Variants in DENND6A observed in about 807,000 individuals in gnomAD.
The protein encoded by DENND6A is protein DENND6A.
A neutral mutation model predicts 95.5 loss-of-function variants in DENND6A; 43 were observed. That is an observed-to-expected ratio of 0.45 (90% CI 0.35 to 0.58). The LOEUF (loss-of-function observed/expected upper bound fraction) is 0.58, where lower values mean the gene tolerates loss of function less well. Ranked by LOEUF, DENND6A falls within the 20% of genes least tolerant of loss-of-function variation. The pLI, the probability that DENND6A is intolerant of heterozygous loss-of-function variation, is 0.00. For synonymous variants in DENND6A, 257 were observed against 260.4 expected (o/e 0.99, Z 0.13); for missense variants, 574 against 736.0 (o/e 0.78, Z 2.55).
At chr3:57,692,702 C>T (rs2077280744) in intron 1 of DENND6A, 80 bp downstream of exon 1, 4 of 1,297,348 alleles carry the variant, frequency 3.1e-6, no homozygotes, top group Non-Finnish European at 4.0e-6. Context: ...CCTGGCCGGT[C>T]AGCCCGCGGG....
intron 11 of DENND6A, 130 bp from the exon 12 acceptor site, chr3:57,641,877 CA>C: frequency 1.6e-6 from 1 of 619,898 alleles, no homozygotes; most frequent in Non-Finnish European, 2.7e-6. Context: ...CAACACATTA[CA>C]TATCAACTAC....
chr3:57,642,962 C>T (rs772161329), intron 11 of DENND6A, among the ~76,000 whole-genome samples: 66 of 148,454 alleles, frequency 4.4e-4, no homozygotes, highest in Non-Finnish European at 8.3e-4. Context: ...GCCAAGATCG[C>T]GCCATCACAC....
Position 57,634,557 on chromosome 3 carries a change from C to A in DENND6A, c.1263+1G>T. Reference sequence around the variant, plus strand: ...AATTAATAATATGAGCAACTAATTACCTTCTGTAATTGTTTTATGATCTCT... The same window carrying A: ...AATTAATAATATGAGCAACTAATTAACTTCTGTAATTGTTTTATGATCTCT... On this transcript the variant is annotated splice_donor_variant, in intron 14 of 19. Coordinates refer to ENST00000311128, the MANE Select transcript of DENND6A (RefSeq NM_152678.3). LOFTEE classifies it high-confidence loss of function. The A allele has an allele frequency of 7.4e-7, 1 of 1,357,746 alleles. No homozygotes were observed. Among genetic ancestry groups the A allele is most frequent in the Non-Finnish European group, 9.8e-7 (1 of 1,016,988 alleles). 84.1% of individuals were successfully genotyped at this position (1,357,746 alleles called of 1,614,324 possible).
chr3:57,662,185 CTTTT>C (rs60063768), intron 5 of DENND6A, among the ~76,000 whole-genome samples: 28 of 79,134 alleles, frequency 3.5e-4, no homozygotes, highest in Non-Finnish European at 5.7e-4. Flanking sequence ...TTTCTTTTTT[CTTTT>C]TTTTTTTTTT....
At chr3:57,666,095 G>C (rs751086966) in intron 4 of DENND6A, 28 bp downstream of exon 4, 187 of 1,577,354 alleles carry the variant, frequency 1.2e-4, no homozygotes, top group Non-Finnish European at 1.6e-4. Context: ...CTCTCACATG[G>C]ACATTTTCCT....
intron 12 of DENND6A, among the ~76,000 whole-genome samples, chr3:57,640,093 A>T (rs1450825491): frequency 6.6e-6 from 1 of 151,132 alleles, no homozygotes; most frequent in Non-Finnish European, 1.5e-5. Context: ...ACATGGTGAA[A>T]CCCCGTCTCT....
At chr3:57,662,291 G>T (rs1329714179) in intron 5 of DENND6A, among the ~76,000 whole-genome samples, 2 of 141,262 alleles carry the variant, frequency 1.4e-5, no homozygotes, top group Non-Finnish European at 3.0e-5. Flanking sequence ...CATGGGCTCA[G>T]GTGATCCTCC....
intron 1 of DENND6A, among the ~76,000 whole-genome samples, chr3:57,691,669 C>CAAAAAAAAAAAA (rs71091304): frequency 2.1e-5 from 2 of 93,600 alleles, no homozygotes; most frequent in African/African-American, 4.4e-5. Context: ...TCACCAATAC[C>CAAAAAAAAAAAA]AAAAAAAAAA....
chr3:57,688,220 T>C (rs1017189525), intron 1 of DENND6A, among the ~76,000 whole-genome samples: 1 of 152,098 alleles, frequency 6.6e-6, no homozygotes, highest in Non-Finnish European at 1.5e-5. Context: ...GGTCTCGAAC[T>C]CCTGACCTCA....
intron 3 of DENND6A, among the ~76,000 whole-genome samples, chr3:57,669,220 A>T (rs2071574397): frequency 2.0e-5 from 3 of 152,132 alleles, no homozygotes; most frequent in Admixed American, 6.6e-5. Flanking sequence ...TGTATGGATA[A>T]CTACAACTGA....
At chr3:57,685,998 T>C (rs1423353727) in intron 1 of DENND6A, among the ~76,000 whole-genome samples, 2 of 152,198 alleles carry the variant, frequency 1.3e-5, no homozygotes, top group Admixed American at 6.5e-5. Flanking sequence ...TGCCTACACA[T>C]AATGATCCTC....
chr3:57,640,097 C>T (rs540527316), intron 12 of DENND6A, among the ~76,000 whole-genome samples: 9 of 151,316 alleles, frequency 5.9e-5, no homozygotes, highest in Admixed American at 1.3e-4. Context: ...GGTGAAACCC[C>T]GTCTCTACTA....
chr3:57,654,010 C>T (rs1282431537), intron 9 of DENND6A, among the ~76,000 whole-genome samples: 17 of 139,126 alleles, frequency 1.2e-4, no homozygotes, highest in Admixed American at 9.0e-4. Flanking sequence ...TGCAGTGGCA[C>T]GATCTCAGCT....
rs1183714162 is a variant in DENND6A at position 57,627,430 on chromosome 3, C to T, written c.*784G>A. ...AAGTGCTAGGATTACAGGCGTGAGC[C>T]ACCACACCCAGCCTAATGTTTAAAT... On this transcript the variant is annotated 3_prime_UTR_variant, in exon 20 of 20. Coordinates refer to ENST00000311128, the MANE Select transcript of DENND6A (RefSeq NM_152678.3). 6.6e-6 allele frequency: 1 copy of T among 152,080 alleles called. No individual in the cohort carries two copies. Among genetic ancestry groups the T allele is most frequent in the Non-Finnish European group, 1.5e-5 (1 of 68,042 alleles). 9.4% of individuals were successfully genotyped at this position (152,080 alleles called of 1,614,324 possible). A position where few individuals can be genotyped will look rare whatever the true frequency, so the allele number is the denominator to read the frequency against.
chr3:57,656,437 A>G (rs966348172), intron 9 of DENND6A, among the ~76,000 whole-genome samples: 1 of 152,158 alleles, frequency 6.6e-6, no homozygotes, highest in Non-Finnish European at 1.5e-5. Context: ...GTTGATGGAT[A>G]CTTCGGTTGT....
chr3:57,663,614 T>A, intron 5 of DENND6A, 22 bp downstream of exon 5: 1 of 1,513,174 alleles, frequency 6.6e-7, no homozygotes. Flanking sequence ...ATACTTTTTT[T>A]ATTAGTGTGT....
At chr3:57,633,429 T>C (rs2070727686) in intron 14 of DENND6A, 75 bp from the exon 15 acceptor site, 1 of 1,209,242 alleles carries the variant, frequency 8.3e-7, no homozygotes, top group Non-Finnish European at 1.2e-6. Flanking sequence ...CAGATTCAAT[T>C]GCTATGTAAA....
At chr3:57,692,668 G>A in intron 1 of DENND6A, 114 bp downstream of exon 1, 2 of 986,594 alleles carry the variant, frequency 2.0e-6, no homozygotes, top group Non-Finnish European at 1.4e-6. Flanking sequence ...GACTGGCCAC[G>A]CCCGGATGCG....
chr3:57,692,868 C>A lies in DENND6A; in HGVS notation c.151G>T (p.Gly51Cys), dbSNP rs766775098. The A allele has an allele frequency of 6.3e-7, 1 of 1,586,496 alleles. No homozygotes were observed. The highest frequency in any genetic ancestry group is 8.5e-7 in the Non-Finnish European group (1 of 1,170,286). The change falls in exon 1 of 20, where the codon GGC (glycine) becomes TGC (cysteine). Residue 51 changes from glycine to cysteine, a missense_variant. Coordinates refer to ENST00000311128, the MANE Select transcript of DENND6A (RefSeq NM_152678.3). Reference sequence around the variant, plus strand: ...GAGAAGCTGTCCCAGCGCAGCAGGCCCCGGCCACGGCCATCGTCCTCTTCA... The same window carrying A: ...GAGAAGCTGTCCCAGCGCAGCAGGCACCGGCCACGGCCATCGTCCTCTTCA... ...DDEEDDGRGR[G>C]LLRWDSFSAW... is the part of the protein sequence containing the mutation.
Sources: allele counts gnomAD v4.1 joint callset (sites outside exome capture counted in the v4.1 genomes callset), GRCh38; gene constraint gnomAD v4.1.1; transcripts MANE v1.5; gene names NCBI Gene and HGNC (gene_info 2026-07-23, HGNC 2026-07-21).